Variants in CEACAM1 observed in about 807,000 individuals in gnomAD.
CEACAM1 encodes cell adhesion molecule CEACAM1.
A neutral mutation model predicts 49.1 loss-of-function variants in CEACAM1; 31 were observed. The observed-to-expected ratio is 0.63, with a 90% CI of 0.47 to 0.85. CEACAM1 has a LOEUF of 0.85. Ranked by LOEUF, CEACAM1 falls within the 40% of genes least tolerant of loss-of-function variation. The pLI, the probability that CEACAM1 is intolerant of heterozygous loss-of-function variation, is 0.00. For synonymous variants in CEACAM1, 244 were observed against 247.8 expected, an observed-to-expected ratio of 0.98 and a Z score of 0.14; for missense variants, 570 against 645.3, an observed-to-expected ratio of 0.88 and a Z score of 1.26.
Position 42,510,881 on chromosome 19 carries a change from A to G in CEACAM1, c.1461+8T>C, listed in dbSNP as rs1440814998. On this transcript the variant is annotated splice_region_variant and intron_variant, in intron 8 of 8. Coordinates refer to ENST00000161559, the MANE Select transcript of CEACAM1 (RefSeq NM_001712.5). ...GAAAATAAGCCCATGAAAACCGGCT[A>G]TGCTTACCTTGTTAGGTGGGTCATT... is the stretch of plus-strand genomic sequence containing the variant. 2.0e-5 allele frequency: 33 copies of G among 1,612,200 alleles called. No individual in the cohort carries two copies. The highest frequency in any genetic ancestry group is 1.7e-4 in the Middle Eastern group (1 of 6,060).
chr19:42,526,481 C>T (rs1404370029), intron 2 of CEACAM1, among the ~76,000 whole-genome samples: 4 of 152,200 alleles, frequency 2.6e-5, no homozygotes, highest in Non-Finnish European at 4.4e-5. Context: ...TCCATCCTTG[C>T]CCAAATGAGG....
At position 42,519,173 on chromosome 19, in the gene CEACAM1, T is replaced by TG; in HGVS notation, c.1020_1021insC (p.Lys341GlnfsTer12). The TG allele has an allele frequency of 6.2e-7, 1 of 1,614,064 alleles. No homozygotes were observed. Among genetic ancestry groups the TG allele is most frequent in the Non-Finnish European group, 8.5e-7 (1 of 1,179,924 alleles). On this transcript the variant is annotated frameshift_variant, in exon 5 of 9. Coordinates refer to ENST00000161559, the MANE Select transcript of CEACAM1 (RefSeq NM_001712.5). LOFTEE classifies it high-confidence loss of function. ...GAGCAGGTCAGGTTCACAGAGTCCT[T>TG]ATCTCCTGTGACTGTGGTCTTGCTG...
chr19:42,518,448 C>CA (rs899796261), intron 5 of CEACAM1: 9 of 156,186 alleles, frequency 5.8e-5, no homozygotes, highest in East Asian at 1.9e-4. Flanking sequence ...CCCAACCAAC[C>CA]AAAAAAAACC....
intron 4 of CEACAM1, 33 bp from the exon 5 acceptor site, chr19:42,519,268 C>T: frequency 2.5e-6 from 4 of 1,609,818 alleles, no homozygotes; most frequent in East Asian, 2.2e-5. Context: ...AGATAACCTA[C>T]TGAGAATAGG....
chr19:42,511,356 T>C, intron 7 of CEACAM1: 3 of 597,308 alleles, frequency 5.0e-6, no homozygotes, highest in South Asian at 2.0e-5. Flanking sequence ...CAGGCCTGCC[T>C]GGCCTAGGCA....
At chr19:42,517,169 A>AT (rs1301775664) in intron 5 of CEACAM1, among the ~76,000 whole-genome samples, 1 of 152,234 alleles carries the variant, frequency 6.6e-6, no homozygotes, top group African/African-American at 2.4e-5. Context: ...CACCATATAT[A>AT]AAAATTAATT....
intron 2 of CEACAM1, among the ~76,000 whole-genome samples, chr19:42,524,443 G>A (rs1440251453): frequency 3.3e-5 from 5 of 152,196 alleles, no homozygotes; most frequent in Admixed American, 6.5e-5. Context: ...AGTCAGTATA[G>A]AGAGTGTATG....
chr19:42,528,359 C>T lies in CEACAM1; in HGVS notation c.16G>A (p.Ala6Thr), dbSNP rs912053934. The T allele has an allele frequency of 3.1e-6, 5 of 1,613,850 alleles. No homozygotes were observed. In the African/African-American group the frequency reaches 6.7e-5, roughly 22 times the overall value. ...GGTACACGCACTCTGTGAAGTGGGG[C>T]TGAGAGGTGCCCCATGGTGTCTCCT... is the stretch of plus-strand genomic sequence containing the variant. MGHLSAPLHRVRVPWQ... is the reference protein window; with the variant it reads MGHLSTPLHRVRVPWQ... The change falls in exon 1 of 9, where the codon GCC becomes ACC. Residue 6 changes from alanine to threonine, a missense_variant. Physicochemically the swap from Ala to Thr is moderately conservative, Grantham distance 58. Transcript: ENST00000161559.
chr19:42,512,598 T>A lies in CEACAM1; in HGVS notation c.1247-119A>T, dbSNP rs1255982084. 72 of 1,017,404 alleles carry A rather than the reference T, an allele frequency of 7.1e-5. No individual in the cohort carries two copies. The East Asian group carries it at 1.8e-3, about 25-fold the overall frequency. The allele number at this position is 1,017,404 out of a possible 1,614,324, so 63.0% of individuals were successfully genotyped here. ...TGTTCCTTCAAGGAATACAGTTTCG[T>A]TGTGGGAAGGTTGCTGGAAGGTGAT... On this transcript the variant is annotated intron_variant, in intron 5 of 8. Coordinates refer to ENST00000161559, the MANE Select transcript of CEACAM1 (RefSeq NM_001712.5).
chr19:42,528,349 T>TG lies in CEACAM1; in HGVS notation c.25dup (p.His9ProfsTer31). The TG allele has an allele frequency of 6.2e-7, 1 of 1,613,974 alleles. No individual in the cohort carries two copies. Among genetic ancestry groups the TG allele is most frequent in the Non-Finnish European group, 8.5e-7 (1 of 1,179,956 alleles). On this transcript the variant is annotated frameshift_variant, in exon 1 of 9. Transcript: ENST00000161559. LOFTEE classifies it high-confidence loss of function. ...CCCCTGCCAGGGTACACGCACTCTG[T>TG]GAAGTGGGGCTGAGAGGTGCCCCAT... is the stretch of plus-strand genomic sequence containing the variant.
chr19:42,511,369 G>C (rs1418052490), intron 7 of CEACAM1: 3 of 605,180 alleles, frequency 5.0e-6, no homozygotes, highest in Non-Finnish European at 8.8e-6. Context: ...CCTAGGCAGA[G>C]TGAGCCTCTC....
At chr19:42,521,135 T>C in intron 4 of CEACAM1, 132 bp downstream of exon 4, 1 of 943,022 alleles carries the variant, frequency 1.1e-6, no homozygotes, top group Non-Finnish European at 1.7e-6. Context: ...TTGAGAGGGT[T>C]CAGGGGAGAA....
chr19:42,527,434 G>A, intron 1 of CEACAM1, 34 bp from the exon 2 acceptor site: 5 of 1,550,400 alleles, frequency 3.2e-6, no homozygotes, highest in Non-Finnish European at 4.3e-6. Context: ...GTCAATATTG[G>A]GACCTATGCA....
rs2147767745 is a variant in CEACAM1 at position 42,510,912 on chromosome 19, G to T, written c.1438C>A (p.His480Asn). The change falls in exon 8 of 9, where the codon CAC (histidine) becomes AAC (asparagine). Residue 480 changes from histidine to asparagine, a missense_variant. By Grantham distance (68) the His-to-Asn change is moderately conservative. Transcript: ENST00000161559. ...ACCTTGTTAGGTGGGTCATTGGAGT[G>T]GTCCTGAGCTGGAGAAGCAAAAGAA... ...KPSVSNHTQD[H>N]SNDPPNKMNE... is the part of the protein sequence containing the mutation. 6.2e-7 allele frequency: 1 copy of T among 1,613,984 alleles called. No homozygotes were observed. The highest frequency in any genetic ancestry group is 1.1e-5 in the South Asian group (1 of 91,084).
In CEACAM1 at chr19:42,528,455, C is replaced by T. The variant is rs41399845; in HGVS notation, c.-81G>A. On this transcript the variant is annotated 5_prime_UTR_variant, in exon 1 of 9. The change creates a new upstream start codon in the 5' untranslated region. Transcript: ENST00000161559. ...CGCTTCGAGCACGGCTGCTCTGTCA[C>T]CTCTGCTGTTTTCCACTCTCTGTGC... 2.2e-6 allele frequency: 3 copies of T among 1,384,950 alleles called. No homozygotes were observed. Among genetic ancestry groups the T allele is most frequent in the Non-Finnish European group, 3.1e-6 (3 of 977,670 alleles). 85.8% of individuals were successfully genotyped at this position (1,384,950 alleles called of 1,614,324 possible).
At chr19:42,511,032 G>A (rs2041444134) in intron 7 of CEACAM1, 112 bp from the exon 8 acceptor site, 4 of 957,582 alleles carry the variant, frequency 4.2e-6, no homozygotes, top group Non-Finnish European at 6.7e-6. Flanking sequence ...GATCAGTTAA[G>A]GAATTTACTT....
chr19:42,524,927 G>C (rs2041852631), intron 2 of CEACAM1, among the ~76,000 whole-genome samples: 2 of 152,154 alleles, frequency 1.3e-5, no homozygotes, highest in Admixed American at 1.3e-4. Flanking sequence ...TCAGGGGATG[G>C]AACATGGGTC....
chr19:42,528,441 C>T lies in CEACAM1; in HGVS notation c.-67G>A, dbSNP rs533414927. The T allele has an allele frequency of 4.4e-5, 66 of 1,500,782 alleles. No homozygotes were observed. The highest frequency in any genetic ancestry group is 6.8e-5 in the East Asian group (3 of 44,058). 93.0% of individuals were successfully genotyped at this position (1,500,782 alleles called of 1,614,324 possible). A position where few individuals can be genotyped will look rare whatever the true frequency, so the allele number is the denominator to read the frequency against. On this transcript the variant is annotated 5_prime_UTR_variant, in exon 1 of 9. It adds an upstream start codon to the 5' untranslated region. Transcript: ENST00000161559. The stretch of plus-strand genomic sequence containing the variant: ...TTGGGCTCCAGGAACGCTTCGAGCA[C>T]GGCTGCTCTGTCACCTCTGCTGTTT...
chr19:42,524,158 C>CT, intron 2 of CEACAM1, among the ~76,000 whole-genome samples: 1 of 152,322 alleles, frequency 6.6e-6, no homozygotes, highest in Non-Finnish European at 1.5e-5. Flanking sequence ...TGGGCAGAGT[C>CT]TAAGTGAGAC....
Sources: gnomAD v4.1 joint callset for allele counts (sites outside exome capture counted in the v4.1 genomes callset) on GRCh38, gnomAD v4.1.1 for gene constraint, MANE v1.5 for transcripts, NCBI Gene and HGNC (gene_info 2026-07-23, HGNC 2026-07-21) for gene names.